The following SIRPB1 variants were observed in gnomAD, a reference collection of about 807,000 sequenced individuals.
The protein encoded by SIRPB1 is signal regulatory protein beta 1, also known as signal-regulatory protein beta-1.
A neutral mutation model predicts 34.1 loss-of-function variants in SIRPB1; 28 were observed. The observed-to-expected ratio is 0.82, with a 90% CI of 0.61 to 1.12. The LOEUF (loss-of-function observed/expected upper bound fraction) is 1.12. SIRPB1 is among the 50% of genes most tolerant of loss of function. SIRPB1 has a pLI of 0.00. For synonymous variants in SIRPB1, 211 were observed against 203.8 expected (o/e 1.04, Z -0.30); for missense variants, 499 against 507.0 (o/e 0.98, Z 0.15).
chr20:1,579,827 C>G (rs1333962643), intron 1 of SIRPB1, among the ~76,000 whole-genome samples: 1 of 148,042 alleles, frequency 6.8e-6, no homozygotes, highest in African/African-American at 2.5e-5. Context: ...GAGAATAAAA[C>G]AGTGGTGACT....
rs541137891 is a variant in SIRPB1 at position 1,572,860 on chromosome 20, C to T, written c.434-823G>A. Among the ~76,000 whole-genome samples the T allele has an allele frequency of 8.6e-5, 13 of 151,804 alleles. No individual in the cohort carries two copies. In the South Asian group the frequency reaches 1.5e-3, roughly 17 times the overall value. ...GCCACAGGATGTTGCAGTAGATAGA[C>T]CTGGATAACAACTGAAGCCAGGGTC... On this transcript the variant is annotated intron_variant, in intron 2 of 5. Transcript: ENST00000381605.
rs1489637186 is a variant in SIRPB1 at position 1,562,971 on chromosome 20, A to G, written c.*2529T>C. 6.6e-6 allele frequency among the ~76,000 whole-genome samples: 1 copy of G among 152,258 alleles called. No individual in the cohort carries two copies. The highest frequency in any genetic ancestry group is 2.4e-5 in the African/African-American group (1 of 41,460). ...ACTGTGGCAATGTAGACCCTGATGC[A>G]GGAACTTCAGATAGGCAGCCAGAGG... On this transcript the variant is annotated 3_prime_UTR_variant, in exon 6 of 6. Transcript: ENST00000381605.
chr20:1,606,066 T>C, intron 1 of SIRPB1: 1 of 206,676 alleles, frequency 4.8e-6, no homozygotes, highest in Non-Finnish European at 9.1e-6. Context: ...TGTATTGCCA[T>C]ACGGGACACT....
chr20:1,572,192 G>A (rs577301335), intron 2 of SIRPB1, among the ~76,000 whole-genome samples, 155 bp from the exon 3 acceptor site: 1 of 152,182 alleles, frequency 6.6e-6, no homozygotes, highest in East Asian at 1.9e-4. Flanking sequence ...TACAGATCAG[G>A]ACACAACAGC....
rs1387362965 is a variant in SIRPB1, at chr20:1,604,796, T to A, written c.76+15073A>T. ...CCACGAAGAGGGTCCCCCTGCAAGG[T>A]GACGTGGGCCACCTCGCAGATGACT... On this transcript the variant is annotated intron_variant, in intron 1 of 5. Transcript: ENST00000381605. 1.6e-5 allele frequency: 10 copies of A among 640,708 alleles called. 3 individuals carry two copies. The highest frequency in any genetic ancestry group is 2.1e-5 in the Non-Finnish European group (10 of 483,220). The allele number at this position is 640,708 out of a possible 1,614,324, so 39.7% of individuals were successfully genotyped here. A position where few individuals can be genotyped will look rare whatever the true frequency, so the allele number is the denominator to read the frequency against.
intron 1 of SIRPB1, among the ~76,000 whole-genome samples, chr20:1,619,479 GAA>G (rs34808211): frequency 0.024 from 3,613 of 152,282 alleles, 59 homozygotes; most frequent in Non-Finnish European, 0.039. Context: ...TCAGTTTGGT[GAA>G]GAGAGAGGGC....
chr20:1,582,509 A>C lies in SIRPB1; in HGVS notation c.77-3815T>G, dbSNP rs1255838814. ...TATTACTACTTGGTTTGTTGATGCAACAATCCTCAACCAAATACTAGCAAA... is the reference window on the plus strand; with the variant it reads ...TATTACTACTTGGTTTGTTGATGCACCAATCCTCAACCAAATACTAGCAAA... On this transcript the variant is annotated intron_variant, in intron 1 of 5. Transcript: ENST00000381605. Among the ~76,000 whole-genome samples, 2 of 49,670 alleles carry C rather than the reference A, an allele frequency of 4.0e-5. 1 individual carries two copies. Among genetic ancestry groups the C allele is most frequent in the Non-Finnish European group, 7.8e-5 (2 of 25,670 alleles). The allele number at this position is 49,670 out of a possible 152,430, so 32.6% of individuals were successfully genotyped here.
At position 1,602,105 on chromosome 20, in the gene SIRPB1, AT is replaced by A. The variant is rs1370852385; in HGVS notation, c.76+17763del. On this transcript the variant is annotated intron_variant, in intron 1 of 5. Transcript: ENST00000381605. Reference sequence around the variant, plus strand: ...AGCAGAAAATTAATGAAATTAAAATATAAAAAACAATGCAAAAACCAACTGA... The same window carrying A: ...AGCAGAAAATTAATGAAATTAAAATAAAAAAACAATGCAAAAACCAACTGA... Among the ~76,000 whole-genome samples the A allele has an allele frequency of 8.1e-5, 4 of 49,440 alleles. 2 individuals carry two copies. The highest frequency in any genetic ancestry group is 1.6e-4 in the Non-Finnish European group (4 of 25,624). 32.4% of individuals were successfully genotyped at this position (49,440 alleles called of 152,430 possible).
intron 2 of SIRPB1, among the ~76,000 whole-genome samples, chr20:1,572,558 T>A (rs2091258385): frequency 6.6e-6 from 1 of 151,364 alleles, no homozygotes; most frequent in Non-Finnish European, 1.5e-5. Flanking sequence ...TTCTACTTCC[T>A]GGGATGTCGC....
chr20:1,566,109 T>A (rs758986692), intron 5 of SIRPB1, 44 bp downstream of exon 5: 1 of 1,353,180 alleles, frequency 7.4e-7, no homozygotes, highest in East Asian at 2.4e-5. Flanking sequence ...TGGCCTTGCC[T>A]TTCTGGAGGA....
rs2071696508 is a variant in SIRPB1, at chr20:1,584,648, A to G, written c.77-5954T>C. Among the ~76,000 whole-genome samples the G allele has an allele frequency of 4.1e-5, 2 of 49,308 alleles. 1 individual carries two copies. Among genetic ancestry groups the G allele is most frequent in the African/African-American group, 2.7e-4 (2 of 7,490 alleles). The allele number at this position is 49,308 out of a possible 152,430, so 32.3% of individuals were successfully genotyped here. ...AACAGAAAGATACCTATGTTTGTGGATTGGAGAATTACTATTGTAAAATGT... is the reference window on the plus strand; with the variant it reads ...AACAGAAAGATACCTATGTTTGTGGGTTGGAGAATTACTATTGTAAAATGT... On this transcript the variant is annotated intron_variant, in intron 1 of 5. Transcript: ENST00000381605.
At position 1,564,820 on chromosome 20, in the gene SIRPB1, C is replaced by T. The variant is rs1331562473; in HGVS notation, c.*680G>A. On this transcript the variant is annotated 3_prime_UTR_variant, in exon 6 of 6. Transcript: ENST00000381605. ...GTCCATTGTTAAACATTTACCATCT[C>T]ATGTAAGTGGACACATGCATTTTGG... 2.5e-6 allele frequency: 1 copy of T among 398,084 alleles called. No individual in the cohort carries two copies. The highest frequency in any genetic ancestry group is 4.4e-6 in the Non-Finnish European group (1 of 225,990). 24.7% of individuals were successfully genotyped at this position (398,084 alleles called of 1,614,324 possible).
chr20:1,566,953 C>T (rs2091146221), intron 4 of SIRPB1, among the ~76,000 whole-genome samples: 1 of 152,166 alleles, frequency 6.6e-6, no homozygotes. Context: ...ATCATCTCTC[C>T]TACCTCAACC....
In SIRPB1 at chr20:1,562,115, C is replaced by T. The variant is rs117730119; in HGVS notation, c.*3385G>A. Among the ~76,000 whole-genome samples, 882 of 152,186 alleles carry T rather than the reference C, an allele frequency of 5.8e-3. 6 individuals carry two copies. Among genetic ancestry groups the T allele is most frequent in the Non-Finnish European group, 9.5e-3 (647 of 68,004 alleles). On this transcript the variant is annotated 3_prime_UTR_variant, in exon 6 of 6. Transcript: ENST00000381605. Reference sequence around the variant, plus strand: ...TGGGAGCTCTTTCAGTTGGTTCCTGCGCCTCTTTGATGTACTCCAGTCACT... The same window carrying T: ...TGGGAGCTCTTTCAGTTGGTTCCTGTGCCTCTTTGATGTACTCCAGTCACT...
chr20:1,610,606 T>G lies in SIRPB1; in HGVS notation c.76+9263A>C, dbSNP rs1440792965. ...CTCTTTCCTGAGGTGAGGGACATTCTGAGATGATGCAGCTCTGCTCGGAGC... is the reference window on the plus strand; with the variant it reads ...CTCTTTCCTGAGGTGAGGGACATTCGGAGATGATGCAGCTCTGCTCGGAGC... On this transcript the variant is annotated intron_variant, in intron 1 of 5. Coordinates refer to ENST00000381605, the MANE Select transcript of SIRPB1 (RefSeq NM_006065.5). Among the ~76,000 whole-genome samples the G allele has an allele frequency of 9.7e-5, 7 of 71,826 alleles. 3 individuals are homozygous for G. The highest frequency in any genetic ancestry group is 1.6e-4 in the Non-Finnish European group (6 of 38,366). 47.1% of individuals were successfully genotyped at this position (71,826 alleles called of 152,430 possible).
In SIRPB1 at chr20:1,578,614, G is replaced by A. The variant is rs143134459; in HGVS notation, c.157C>T (p.Arg53Cys). 548 of 1,584,074 alleles carry A rather than the reference G, an allele frequency of 3.5e-4. 58 individuals are homozygous for A. The highest frequency in any genetic ancestry group is 4.5e-4 in the Non-Finnish European group (522 of 1,157,694). The change falls in exon 2 of 6, where the codon CGC becomes TGC. Residue 53 changes from arginine to cysteine, a missense_variant. Arg to Cys is a radical substitution (Grantham distance 180). Coordinates refer to ENST00000381605, the MANE Select transcript of SIRPB1 (RefSeq NM_006065.5). ...GGGATCAGGGACGTCATAGCACAGC[G>A]CAGAGTGGCCGACTCTCCAGCTGCA... ...SVAAGESATLRCAMTSLIPVG... is the reference protein window; with the variant it reads ...SVAAGESATLCCAMTSLIPVG...
In SIRPB1 at chr20:1,618,751, G is replaced by A. The variant is rs2122344989; in HGVS notation, c.76+1118C>T. ...GGGATCAGGACAGGTAACTTGTCTG[G>A]GAGCTGTGAGCAGGGTTCTCCCAGG... On this transcript the variant is annotated intron_variant, in intron 1 of 5. Coordinates refer to ENST00000381605, the MANE Select transcript of SIRPB1 (RefSeq NM_006065.5). Among the ~76,000 whole-genome samples the A allele has an allele frequency of 1.3e-5, 2 of 152,306 alleles. 1 individual carries two copies. The highest frequency in any genetic ancestry group is 4.8e-5 in the African/African-American group (2 of 41,564).
rs1189982747 is a variant in SIRPB1 at position 1,601,813 on chromosome 20, G to A, written c.76+18056C>T. Among the ~76,000 whole-genome samples the A allele has an allele frequency of 4.1e-5, 2 of 48,292 alleles. 1 individual carries two copies. 31.7% of individuals were successfully genotyped at this position (48,292 alleles called of 152,430 possible). Reference sequence around the variant, plus strand: ...CAACTAAGAACTCTGGAAATATGAGGAGCAGGCATAGGAGAACTTCCAAGG... The same window carrying A: ...CAACTAAGAACTCTGGAAATATGAGAAGCAGGCATAGGAGAACTTCCAAGG... On this transcript the variant is annotated intron_variant, in intron 1 of 5. Coordinates refer to ENST00000381605, the MANE Select transcript of SIRPB1 (RefSeq NM_006065.5).
At chr20:1,617,861 G>A (rs1239233058) in intron 1 of SIRPB1, among the ~76,000 whole-genome samples, 2 of 152,082 alleles carry the variant, frequency 1.3e-5, no homozygotes, top group African/African-American at 4.8e-5. Context: ...GAAACTTGGA[G>A]AAACAATGAT....
Sources: gnomAD v4.1 joint callset for allele counts (sites outside exome capture counted in the v4.1 genomes callset) on GRCh38, gnomAD v4.1.1 for gene constraint, MANE v1.5 for transcripts, NCBI Gene and HGNC (gene_info 2026-07-23, HGNC 2026-07-21) for gene names.